The following RNF157 variants were observed in gnomAD, a reference collection of about 807,000 sequenced individuals.
The protein encoded by RNF157 is ring finger protein 157, also known as E3 ubiquitin ligase RNF157.
A neutral mutation model predicts 88.3 loss-of-function variants in RNF157; 55 were observed. That is an observed-to-expected ratio of 0.62 (90% CI 0.50 to 0.78). The LOEUF (loss-of-function observed/expected upper bound fraction) is 0.78. Among genes scored for constraint, RNF157 ranks in the 30% least tolerant of loss-of-function variants. RNF157 has a pLI of 0.00. For missense variants in RNF157, 788 were observed against 860.8 expected, an observed-to-expected ratio of 0.92 and a Z score of 1.06; for synonymous variants, 334 against 341.2, an observed-to-expected ratio of 0.98 and a Z score of 0.23.
In RNF157 at chr17:76,162,722, AC is replaced by A. The variant is rs1314497628; in HGVS notation, c.721-100del. 4 of 710,440 alleles carry A rather than the reference AC, an allele frequency of 5.6e-6. No homozygotes were observed. In the Admixed American group the frequency reaches 1.3e-4, roughly 23 times the overall value. The allele number at this position is 710,440 out of a possible 1,614,324, so 44.0% of individuals were successfully genotyped here. ...TTACCTCTTTTGGTAACCAAGGACT[AC>A]CGATTCATAATGAGAAAAAAAATCA... is the stretch of plus-strand genomic sequence containing the variant. On this transcript the variant is annotated intron_variant, in intron 8 of 18. Coordinates refer to ENST00000269391, the MANE Select transcript of RNF157 (RefSeq NM_052916.3).
chr17:76,165,486 C>T lies in RNF157; in HGVS notation c.672+16G>A, dbSNP rs1255124621. The T allele has an allele frequency of 3.1e-6, 5 of 1,613,818 alleles. No homozygotes were observed. Among genetic ancestry groups the T allele is most frequent in the African/African-American group, 2.7e-5 (2 of 74,924 alleles). On this transcript the variant is annotated intron_variant, in intron 7 of 18. Transcript: ENST00000269391. ...GGGCTAAAGGCAATAAAGCGAGGCC[C>T]TCTAAAGTCACTCACCTTCTCAAAA...
In RNF157 at chr17:76,237,424, C is replaced by T. The variant is rs543508455; in HGVS notation, c.88+2729G>A. The stretch of plus-strand genomic sequence containing the variant: ...AGGTATGTCATCTGGAGAAAGCTGA[C>T]TCTGCCACTTGCTTTGTTCCACTGT... On this transcript the variant is annotated intron_variant, in intron 1 of 18. Coordinates refer to ENST00000269391, the MANE Select transcript of RNF157 (RefSeq NM_052916.3). 4.1e-4 allele frequency among the ~76,000 whole-genome samples: 62 copies of T among 152,336 alleles called. No homozygotes were observed. In the South Asian group the frequency reaches 0.013, roughly 31 times the overall value.
intron 6 of RNF157, among the ~76,000 whole-genome samples, chr17:76,165,827 C>T (rs2068915175): frequency 6.6e-6 from 1 of 151,974 alleles, no homozygotes; most frequent in African/African-American, 2.4e-5. Flanking sequence ...TACGCATGAG[C>T]CACCATGCCC....
rs1173250671 is a variant in RNF157, at chr17:76,167,770, T to A, written c.324A>T (p.Gly108=). ...VKCAEEVKSP[G]EEASKAKVHY... ...GGACTTTAGCTTTACTGGCCTCTTCTCCAGGGCTCTTCACTTCCTCAGCAC... is the reference window on the plus strand; with the variant it reads ...GGACTTTAGCTTTACTGGCCTCTTCACCAGGGCTCTTCACTTCCTCAGCAC... Residue 108 remains glycine, a synonymous_variant, in exon 4 of 19, where the codon GGA becomes GGT. Transcript: ENST00000269391. 1 of 1,614,166 alleles carries A rather than the reference T, an allele frequency of 6.2e-7. No individual in the cohort carries two copies. Among genetic ancestry groups the A allele is most frequent in the East Asian group, 2.2e-5 (1 of 44,894 alleles).
chr17:76,196,366 C>T (rs989763541), intron 2 of RNF157, among the ~76,000 whole-genome samples: 18 of 152,150 alleles, frequency 1.2e-4, no homozygotes, highest in Non-Finnish European at 1.5e-5. Context: ...GAGGTAACAA[C>T]AGGAAAGGAG....
intron 2 of RNF157, among the ~76,000 whole-genome samples, chr17:76,179,256 TG>T (rs1421729629): frequency 6.6e-6 from 1 of 151,750 alleles, no homozygotes; most frequent in East Asian, 1.9e-4. Flanking sequence ...TTAGTCAGCA[TG>T]GTGGCACACA....
intron 2 of RNF157, among the ~76,000 whole-genome samples, chr17:76,210,601 A>AAAAAAAAAAAAG (rs777083177): frequency 8.8e-5 from 13 of 148,508 alleles, no homozygotes; most frequent in East Asian, 4.0e-4. Context: ...AAAAAAAAAA[A>AAAAAAAAAAAAG]AAAGAAAGAA....
intron 16 of RNF157, chr17:76,154,685 GATCCCAA>G: frequency 4.0e-6 from 1 of 250,262 alleles, no homozygotes. Context: ...AATCCCTTAA[GATCCCAA>G]ACCCCATCCA....
In RNF157 at chr17:76,156,258, A is replaced by T. The variant is rs770186707; in HGVS notation, c.1477T>A (p.Ser493Thr). The T allele has an allele frequency of 3.7e-6, 6 of 1,613,994 alleles. No homozygotes were observed. In the African/African-American group the frequency reaches 8.0e-5, roughly 22 times the overall value. ...TLSSSGAIDQ[S>T]SCTGTPLSST... ...GACAGAGGCGTCCCTGTGCAAGACG[A>T]CTGGTCAATAGCTCCAGATGACGAC... The change falls in exon 14 of 19, where the codon TCG (serine) becomes ACG (threonine). Residue 493 changes from serine to threonine, a missense_variant. By Grantham distance (58) the Ser-to-Thr change is moderately conservative. Coordinates refer to ENST00000269391, the MANE Select transcript of RNF157 (RefSeq NM_052916.3).
intron 6 of RNF157, among the ~76,000 whole-genome samples, 193 bp downstream of exon 6, chr17:76,166,267 GC>G (rs35822083): frequency 0.081 from 12,267 of 152,212 alleles, 666 homozygotes; most frequent in Non-Finnish European, 0.12. Context: ...GAGCCACTGT[GC>G]CCAGCCAAAC....
At chr17:76,204,108 T>C (rs974485827) in intron 2 of RNF157, among the ~76,000 whole-genome samples, 3 of 152,170 alleles carry the variant, frequency 2.0e-5, no homozygotes, top group African/African-American at 7.2e-5. Flanking sequence ...TCTTCAGATA[T>C]GAACCCAATT....
chr17:76,157,661 G>A lies in RNF157; in HGVS notation c.1413+732C>T, dbSNP rs552578368. On this transcript the variant is annotated intron_variant, in intron 13 of 18. Transcript: ENST00000269391. This position sits in a 1 kb window ranked among gnomAD's most constrained non-coding sequence, Gnocchi z 5.6. Reference sequence around the variant, plus strand: ...CAAATACTTACTGAGCAACAACAACGTGCCAGGCACATGCTATTCCCATGT... The same window carrying A: ...CAAATACTTACTGAGCAACAACAACATGCCAGGCACATGCTATTCCCATGT... Among the ~76,000 whole-genome samples, 7 of 152,192 alleles carry A rather than the reference G, an allele frequency of 4.6e-5. No homozygotes were observed. The South Asian group carries it at 1.2e-3, about 27-fold the overall frequency.
In RNF157 at chr17:76,212,435, A is replaced by T. The variant is rs1288150608; in HGVS notation, c.136T>A (p.Ser46Thr). The stretch of plus-strand genomic sequence containing the variant: ...AACAGGTAACCTTCAGGATGAGTTG[A>T]GTCAAACTTCTCTCCTCCCATAATG... The part of the protein sequence containing the change: ...HFIMGGEKFD[S>T]THPEGYLFGE... Residue 46 changes from serine to threonine, a missense_variant, in exon 2 of 19, where the codon TCA becomes ACA. By Grantham distance (58) the Ser-to-Thr change is moderately conservative. Transcript: ENST00000269391. The T allele has an allele frequency of 1.9e-6, 3 of 1,613,972 alleles. No individual in the cohort carries two copies. The highest frequency in any genetic ancestry group is 2.5e-6 in the Non-Finnish European group (3 of 1,179,988).
At chr17:76,170,839 C>T (rs2069001333) in intron 3 of RNF157, among the ~76,000 whole-genome samples, 1 of 152,086 alleles carries the variant, frequency 6.6e-6, no homozygotes. Context: ...GCTCTCTTCC[C>T]ATTCTCCAAA....
rs1598411961 is a variant in RNF157 at position 76,184,745 on chromosome 17, A to C, written c.208-10955T>G. On this transcript the variant is annotated intron_variant, in intron 2 of 18. Transcript: ENST00000269391. ...TGTACCCAAATCAAAGATATGAGGG[A>C]GATAGCAAGAGAGTGTCACAGATGA... Among the ~76,000 whole-genome samples, 5 of 152,348 alleles carry C rather than the reference A, an allele frequency of 3.3e-5. No individual in the cohort carries two copies. In the South Asian group the frequency reaches 1.0e-3, roughly 32 times the overall value.
intron 2 of RNF157, among the ~76,000 whole-genome samples, chr17:76,205,537 CA>C (rs2069666209): frequency 6.6e-6 from 1 of 151,904 alleles, no homozygotes; most frequent in African/African-American, 2.4e-5. Context: ...CCATCCTGGC[CA>C]AGATGGTGAA....
intron 2 of RNF157, among the ~76,000 whole-genome samples, chr17:76,185,684 T>C (rs2069274050): frequency 6.6e-6 from 1 of 152,008 alleles, no homozygotes. Flanking sequence ...TTAGCCAGGA[T>C]GGTCTCGATC....
At chr17:76,194,718 T>C (rs1390457781) in intron 2 of RNF157, among the ~76,000 whole-genome samples, 1 of 152,018 alleles carries the variant, frequency 6.6e-6, no homozygotes, top group Non-Finnish European at 1.5e-5. Flanking sequence ...GAGAAAAATA[T>C]AAAACCACAA....
At chr17:76,184,603 C>A (rs543303073) in intron 2 of RNF157, among the ~76,000 whole-genome samples, 6 of 152,162 alleles carry the variant, frequency 3.9e-5, no homozygotes, top group African/African-American at 1.4e-4. Context: ...CAACAATGAT[C>A]TATATTAACT....
Sources: allele counts gnomAD v4.1 joint callset (sites outside exome capture counted in the v4.1 genomes callset), GRCh38; gene constraint gnomAD v4.1.1; non-coding constraint Gnocchi (gnomAD v3.1); transcripts MANE v1.5; gene names NCBI Gene and HGNC (gene_info 2026-07-23, HGNC 2026-07-21).